LRP1B: variants seen among roughly 807,000 people sequenced by gnomAD.
LRP1B encodes the protein LDL receptor related protein 1B, also known as low-density lipoprotein receptor-related protein 1B.
A neutral mutation model predicts 556.6 loss-of-function variants in LRP1B; 217 were observed. That is an observed-to-expected ratio of 0.39 (90% CI 0.35 to 0.44). The LOEUF is 0.44. Among genes scored for constraint, LRP1B ranks in the 20% least tolerant of loss-of-function variants. The probability of loss-of-function intolerance (pLI) is 1.00; values close to 1 mark genes in which losing one functional copy is unlikely to be tolerated. For missense variants in LRP1B, 5,053 were observed against 5,620.8 expected (o/e 0.90, Z 3.23); for synonymous variants, 2,047 against 1,865.8 (o/e 1.10, Z -2.50).
chr2:140,706,512 G>C (rs1264256304), intron 37 of LRP1B, among the ~76,000 whole-genome samples: 1 of 151,978 alleles, frequency 6.6e-6, no homozygotes, highest in East Asian at 1.9e-4. Flanking sequence ...TTTTAAAAGG[G>C]ACATTTAAAA....
At chr2:140,843,864 C>T (rs1692195136) in intron 29 of LRP1B, among the ~76,000 whole-genome samples, 1 of 152,088 alleles carries the variant, frequency 6.6e-6, no homozygotes, top group Non-Finnish European at 1.5e-5. Context: ...AGGGCAGGCT[C>T]CTTGCTAATG....
intron 2 of LRP1B, among the ~76,000 whole-genome samples, chr2:141,798,705 CAAAAAAA>C (rs151310050): frequency 8.1e-5 from 5 of 62,108 alleles, no homozygotes; most frequent in African/African-American, 1.3e-4. Context: ...GACTCTGTCT[CAAAAAAA>C]AAAAAAAAAA....
At position 140,700,538 on chromosome 2, in the gene LRP1B, C is replaced by A. The variant is rs370423850; in HGVS notation, c.6511G>T (p.Ala2171Ser). ...CCATCTTCTGCCAAATATCCATGGG[C>A]ACAAGCACAAGTTCTCCGGGAATTT... is the stretch of plus-strand genomic sequence containing the variant. ...RGNSRRTCAC[A>S]HGYLAEDGVT... is the part of the protein sequence containing the mutation. Residue 2171 changes from alanine to serine, a missense_variant, in exon 41 of 91, where the codon GCC becomes TCC. Ala to Ser is a moderately conservative substitution (Grantham distance 99, BLOSUM62 1). Coordinates refer to ENST00000389484, the MANE Select transcript of LRP1B (RefSeq NM_018557.3). 1.7e-5 allele frequency: 28 copies of A among 1,613,522 alleles called. No homozygotes were observed. Among genetic ancestry groups the A allele is most frequent in the Non-Finnish European group, 2.4e-5 (28 of 1,179,666 alleles).
intron 3 of LRP1B, among the ~76,000 whole-genome samples, chr2:141,377,184 A>C (rs966873472): frequency 7.2e-5 from 11 of 152,252 alleles, no homozygotes; most frequent in Admixed American, 7.2e-4. Context: ...TATCTTCTTC[A>C]TGTTTCATTC....
chr2:140,848,012 A>T (rs906997694), intron 29 of LRP1B, among the ~76,000 whole-genome samples: 8 of 150,996 alleles, frequency 5.3e-5, no homozygotes, highest in African/African-American at 1.5e-4. Context: ...ATTGTCTCCT[A>T]TTTTTTTTTA....
At chr2:141,001,768 C>T (rs1483554717) in intron 15 of LRP1B, among the ~76,000 whole-genome samples, 1 of 152,128 alleles carries the variant, frequency 6.6e-6, no homozygotes, top group Non-Finnish European at 1.5e-5. Flanking sequence ...CTGAAAGCTA[C>T]TCTGTGTGTG....
In LRP1B at chr2:141,397,113, CAAAA is replaced by C. The variant is rs5834824; in HGVS notation, c.343+83279_343+83282del. Reference sequence around the variant, plus strand: ...GGGCAACAAGAAGGAAACTTTGTCTCAAAAAAAAAAAAAAAAAAAAAAGGATGTG... The same window carrying C: ...GGGCAACAAGAAGGAAACTTTGTCTCAAAAAAAAAAAAAAAAAAGGATGTG... On this transcript the variant is annotated intron_variant, in intron 3 of 90. Transcript: ENST00000389484. 6.7e-4 allele frequency among the ~76,000 whole-genome samples: 28 copies of C among 41,954 alleles called. 2 individuals carry two copies. In the East Asian group the frequency reaches 0.011, roughly 16 times the overall value. The allele number at this position is 41,954 out of a possible 152,430, so 27.5% of individuals were successfully genotyped here.
At chr2:141,536,848 A>G (rs1685085321) in intron 2 of LRP1B, among the ~76,000 whole-genome samples, 1 of 152,090 alleles carries the variant, frequency 6.6e-6, no homozygotes, top group Admixed American at 6.6e-5. Context: ...AATTAGAATC[A>G]ATGAAAATGC....
intron 1 of LRP1B, among the ~76,000 whole-genome samples, chr2:141,903,002 G>A (rs1699663818): frequency 1.3e-5 from 2 of 151,826 alleles, no homozygotes; most frequent in African/African-American, 4.8e-5. Context: ...TGTAGGCTGT[G>A]CCTTTCCTTC....
At chr2:140,770,794 A>G in intron 34 of LRP1B, 87 bp downstream of exon 34, 1 of 1,135,990 alleles carries the variant, frequency 8.8e-7, no homozygotes, top group Non-Finnish European at 1.2e-6. Flanking sequence ...CTAATGTTTA[A>G]CTGACTTTGG....
rs143661527 is a variant in LRP1B, at chr2:140,784,376, C to CCACACACACACACACACACA, written c.5360-8158_5360-8139dup. On this transcript the variant is annotated intron_variant, in intron 32 of 90. Coordinates refer to ENST00000389484, the MANE Select transcript of LRP1B (RefSeq NM_018557.3). ...AAGAGATAATTGGAGGATTCTGCCT[C>CCACACACACACACACACACA]CACACACACACACACACACACACAC... Among the ~76,000 whole-genome samples, 139 of 126,682 alleles carry CCACACACACACACACACACA rather than the reference C, an allele frequency of 1.1e-3. 1 individual carries two copies. The highest frequency in any genetic ancestry group is 2.1e-3 in the East Asian group (8 of 3,866). 83.1% of individuals were successfully genotyped at this position (126,682 alleles called of 152,430 possible). A position where few individuals can be genotyped will look rare whatever the true frequency, so the allele number is the denominator to read the frequency against.
intron 50 of LRP1B, 69 bp from the exon 51 acceptor site, chr2:140,514,841 A>G: frequency 7.2e-7 from 1 of 1,396,442 alleles, no homozygotes; most frequent in South Asian, 1.6e-5. Flanking sequence ...GACAGTGAGA[A>G]GATTCTTTCT....
intron 18 of LRP1B, among the ~76,000 whole-genome samples, chr2:140,973,201 C>A (rs185327730): frequency 6.6e-6 from 1 of 151,452 alleles, no homozygotes; most frequent in South Asian, 2.1e-4. Context: ...TGATTCATAA[C>A]TATAGCTACA....
At chr2:141,225,368 T>A (rs932500226) in intron 6 of LRP1B, among the ~76,000 whole-genome samples, 2 of 152,164 alleles carry the variant, frequency 1.3e-5, no homozygotes, top group South Asian at 4.1e-4. Flanking sequence ...TCATTTTCCT[T>A]AATAAGAGAT....
chr2:141,051,866 C>T (rs920048727), intron 10 of LRP1B, among the ~76,000 whole-genome samples: 10 of 152,028 alleles, frequency 6.6e-5, no homozygotes, highest in Middle Eastern at 6.8e-3. Context: ...TGCTGTATAG[C>T]ATTCCTTTGT....
intron 27 of LRP1B, among the ~76,000 whole-genome samples, chr2:140,852,544 G>A (rs1031981158): frequency 7.9e-5 from 12 of 152,146 alleles, no homozygotes; most frequent in Non-Finnish European, 1.6e-4. Context: ...GAAACTACTG[G>A]TACATATATA....
intron 2 of LRP1B, among the ~76,000 whole-genome samples, chr2:141,774,381 G>C (rs3856362): frequency 0.19 from 28,446 of 151,940 alleles, 3,129 homozygotes; most frequent in East Asian, 0.39. Flanking sequence ...TACATGGCGA[G>C]AGAGAGGGGA....
intron 41 of LRP1B, among the ~76,000 whole-genome samples, chr2:140,638,932 T>C (rs1228408210): frequency 3.3e-5 from 5 of 152,012 alleles, no homozygotes; most frequent in Non-Finnish European, 7.4e-5. Flanking sequence ...CATATTCATA[T>C]AAATATAAAA....
chr2:141,050,028 A>C (rs1298996170), intron 10 of LRP1B, among the ~76,000 whole-genome samples: 14 of 151,986 alleles, frequency 9.2e-5, no homozygotes, highest in Non-Finnish European at 1.9e-4. Flanking sequence ...AGCATCTTAT[A>C]CTTGGTTAAC....
Sources: gnomAD v4.1 joint callset for allele counts (sites outside exome capture counted in the v4.1 genomes callset) on GRCh38, gnomAD v4.1.1 for gene constraint, MANE v1.5 for transcripts, NCBI Gene and HGNC (gene_info 2026-07-23, HGNC 2026-07-21) for gene names.